Variants in CRACD observed in about 807,000 individuals in gnomAD.
The protein encoded by CRACD is capping protein inhibiting regulator of actin dynamics.
Under a neutral mutation model 106.8 loss-of-function variants are expected in CRACD, and 56 were observed. The ratio of observed to expected loss-of-function variants is 0.52; its 90% CI spans 0.42 to 0.66. CRACD has a LOEUF of 0.66. Among genes scored for constraint, CRACD ranks in the 30% least tolerant of loss-of-function variants. The pLI, the probability that CRACD is intolerant of heterozygous loss-of-function variation, is 0.00. For missense variants in CRACD, 1,730 were observed against 1,623.2 expected, an observed-to-expected ratio of 1.07 and a Z score of -1.13; for synonymous variants, 754 against 670.8, an observed-to-expected ratio of 1.12 and a Z score of -1.92.
Position 56,205,596 on chromosome 4 carries a change from G to T in CRACD, c.-189+26166G>T, listed in dbSNP as rs556293439. On this transcript the variant is annotated intron_variant, in intron 2 of 10. Coordinates refer to ENST00000682029, the MANE Select transcript of CRACD (RefSeq NM_001393381.1). ...TGTTGGGGAGAAGGCTGAGAGTTGA[G>T]ACCAGTACTCCATTTTAGAAAAAAG... Among the ~76,000 whole-genome samples, 8 of 152,038 alleles carry T rather than the reference G, an allele frequency of 5.3e-5. No homozygotes were observed. In the South Asian group the frequency reaches 1.7e-3, roughly 32 times the overall value.
At chr4:56,172,606 G>C (rs993382184) in intron 1 of CRACD, among the ~76,000 whole-genome samples, 12 of 151,102 alleles carry the variant, frequency 7.9e-5, no homozygotes, top group Non-Finnish European at 1.6e-4. Context: ...GGGATTACAG[G>C]CATGTGCCAC....
intron 2 of CRACD, among the ~76,000 whole-genome samples, chr4:56,260,923 G>A (rs375505130): frequency 1.8e-5 from 2 of 109,790 alleles, no homozygotes; most frequent in African/African-American, 7.2e-5. Context: ...CCATCCATCC[G>A]TCCATCCATC....
chr4:56,145,425 A>G (rs1008801171), intron 1 of CRACD, among the ~76,000 whole-genome samples: 17 of 147,086 alleles, frequency 1.2e-4, no homozygotes, highest in Non-Finnish European at 2.9e-5. Context: ...GTCCTTAAGT[A>G]GAAGGTTTAG....
At chr4:56,079,523 G>A (rs1048521894) in intron 1 of CRACD, among the ~76,000 whole-genome samples, 1 of 150,736 alleles carries the variant, frequency 6.6e-6, no homozygotes, top group African/African-American at 2.4e-5. Context: ...TTGGCTCACT[G>A]TAAGCTCTGC....
intron 2 of CRACD, among the ~76,000 whole-genome samples, chr4:56,252,692 C>G (rs899598343): frequency 2.0e-5 from 3 of 152,140 alleles, no homozygotes; most frequent in Non-Finnish European, 2.9e-5. Context: ...AGCAGGAGTC[C>G]AGGCAGAGTG....
intron 2 of CRACD, among the ~76,000 whole-genome samples, chr4:56,215,314 C>T (rs1366536545): frequency 6.6e-6 from 1 of 152,200 alleles, no homozygotes; most frequent in African/African-American, 2.4e-5. Context: ...AATCACTGTG[C>T]CTGGCTCATA....
intron 1 of CRACD, among the ~76,000 whole-genome samples, chr4:56,092,589 T>C (rs1733456651): frequency 6.6e-6 from 1 of 152,088 alleles, no homozygotes; most frequent in African/African-American, 2.4e-5. Context: ...CTTAATTTAT[T>C]TTATTTATTT....
chr4:56,208,517 A>C (rs766626762), intron 2 of CRACD, among the ~76,000 whole-genome samples: 1 of 152,204 alleles, frequency 6.6e-6, no homozygotes, highest in Non-Finnish European at 1.5e-5. Context: ...AGAATCTATT[A>C]TTAGGTACAC....
chr4:56,279,764 A>T (rs1186936558), intron 3 of CRACD, among the ~76,000 whole-genome samples: 4 of 152,156 alleles, frequency 2.6e-5, no homozygotes, highest in Non-Finnish European at 4.4e-5. Context: ...GAACTAGAAT[A>T]CCATTTGACC....
At chr4:56,058,711 C>T (rs2109783275) in intron 1 of CRACD, among the ~76,000 whole-genome samples, 1 of 152,286 alleles carries the variant, frequency 6.6e-6, no homozygotes, top group Admixed American at 6.5e-5. Flanking sequence ...ATTTCCTAAT[C>T]AACATAGGCA....
intron 8 of CRACD, among the ~76,000 whole-genome samples, chr4:56,317,542 C>G (rs1410217952): frequency 1.3e-5 from 2 of 152,122 alleles, no homozygotes; most frequent in African/African-American, 4.8e-5. Flanking sequence ...TGTCATTAAC[C>G]ATTTTGAGGG....
chr4:56,154,779 A>G (rs1236892055), intron 1 of CRACD, among the ~76,000 whole-genome samples: 1 of 152,108 alleles, frequency 6.6e-6, no homozygotes, highest in Non-Finnish European at 1.5e-5. Context: ...GATGCTCATC[A>G]TTGTCTTTTA....
chr4:56,217,455 A>C (rs1157990441), intron 2 of CRACD, among the ~76,000 whole-genome samples: 1 of 152,110 alleles, frequency 6.6e-6, no homozygotes, highest in Non-Finnish European at 1.5e-5. Context: ...GAGGGATTCC[A>C]GGTCCTAGGT....
Position 56,316,135 on chromosome 4 carries a change from G to A in CRACD, c.2633G>A (p.Ser878Asn). ...AAGAGGCACAGCAGCACCGGAGACA[G>A]CGCGGATGCAGGGCCGCCTGCAGCG... ...KKKRHSSTGD[S>N]ADAGPPAAGS... Residue 878 changes from serine to asparagine, a missense_variant, in exon 8 of 11, where the codon AGC becomes AAC. By Grantham distance (46) the Ser-to-Asn change is conservative (BLOSUM62 1). This residue lies in a region of CRACD where 1,620 missense variants were observed against 1,481.6 expected (regional missense o/e 1.09). Coordinates refer to ENST00000682029, the MANE Select transcript of CRACD (RefSeq NM_001393381.1). The A allele has an allele frequency of 6.2e-7, 1 of 1,614,180 alleles. No homozygotes were observed. The highest frequency in any genetic ancestry group is 1.1e-5 in the South Asian group (1 of 91,090).
At chr4:56,299,587 T>G (rs1464214080) in intron 4 of CRACD, among the ~76,000 whole-genome samples, 3 of 151,744 alleles carry the variant, frequency 2.0e-5, no homozygotes, top group African/African-American at 7.3e-5. Context: ...GGAGGATGGC[T>G]TGAGCCCAGG....
intron 1 of CRACD, among the ~76,000 whole-genome samples, chr4:56,177,317 G>A (rs1166529804): frequency 1.3e-5 from 2 of 152,162 alleles, no homozygotes; most frequent in East Asian, 3.8e-4. Context: ...GGCATCTATT[G>A]AAATCATCAT....
intron 1 of CRACD, among the ~76,000 whole-genome samples, chr4:56,164,174 G>T (rs569562737): frequency 1.3e-5 from 2 of 148,180 alleles, no homozygotes; most frequent in Non-Finnish European, 3.0e-5. Flanking sequence ...TTGCTCTGTC[G>T]CCCAGGCTGG....
chr4:56,075,557 G>A (rs1732811903), intron 1 of CRACD, among the ~76,000 whole-genome samples: 1 of 151,838 alleles, frequency 6.6e-6, no homozygotes, highest in Non-Finnish European at 1.5e-5. Flanking sequence ...TTTTTATTGT[G>A]AATTCTAGAC....
Position 56,134,032 on chromosome 4 carries a change from C to A in CRACD, c.-335-45252C>A, listed in dbSNP as rs138636828. On this transcript the variant is annotated intron_variant, in intron 1 of 10. Transcript: ENST00000682029. ...CTTGGGCAACATGGCAAAACCCCAT[C>A]TTCACAAAAAATACATAAATTAGCT... Among the ~76,000 whole-genome samples the A allele has an allele frequency of 9.2e-5, 14 of 152,074 alleles. 1 individual carries two copies. Among genetic ancestry groups the A allele is most frequent in the African/African-American group, 3.4e-4 (14 of 41,512 alleles).
Sources: gnomAD v4.1 joint callset for allele counts (sites outside exome capture counted in the v4.1 genomes callset) on GRCh38, gnomAD v4.1.1 for gene constraint, gnomAD v4.1.1 regional missense constraint, MANE v1.5 for transcripts, NCBI Gene and HGNC (gene_info 2026-07-23, HGNC 2026-07-21) for gene names.